CHAT: variants seen among roughly 807,000 people sequenced by gnomAD.
CHAT encodes acetyl CoA:choline O-acetyltransferase.
A neutral mutation model predicts 76.9 loss-of-function variants in CHAT; 61 were observed. The observed-to-expected ratio is 0.79, with a 90% CI of 0.65 to 0.98. The LOEUF (loss-of-function observed/expected upper bound fraction) is 0.98. CHAT is among the 50% of genes least tolerant of loss of function. The pLI, the probability that CHAT is intolerant of heterozygous loss-of-function variation, is 0.00. For missense variants in CHAT, 946 were observed against 986.9 expected, an observed-to-expected ratio of 0.96 and a Z score of 0.56; for synonymous variants, 407 against 397.4, an observed-to-expected ratio of 1.02 and a Z score of -0.29.
chr10:49,616,261 G>A (rs1324619421), intron 1 of CHAT, among the ~76,000 whole-genome samples: 1 of 152,168 alleles, frequency 6.6e-6, no homozygotes. Flanking sequence ...AGACTCATGA[G>A]AGCAGACCCT....
intron 7 of CHAT, among the ~76,000 whole-genome samples, chr10:49,639,475 G>GA (rs36136241): frequency 6.7e-6 from 1 of 148,150 alleles, no homozygotes; most frequent in African/African-American, 2.5e-5. Context: ...TTTCTGATAA[G>GA]AAAAAAAAAA....
Position 49,641,355 on chromosome 10 carries a change from T to C in CHAT, c.1112-5150T>C, listed in dbSNP as rs76736713. On this transcript the variant is annotated intron_variant, in intron 7 of 14. Transcript: ENST00000337653. ...TGGCTGGTCTGCCTTCCTCTCGCCATCTTTCAGAGTCTTCTTACTTTTGTT... is the reference window on the plus strand; with the variant it reads ...TGGCTGGTCTGCCTTCCTCTCGCCACCTTTCAGAGTCTTCTTACTTTTGTT... 1.4e-3 allele frequency among the ~76,000 whole-genome samples: 216 copies of C among 151,636 alleles called. 7 individuals carry two copies. The East Asian group carries it at 0.039, about 27-fold the overall frequency.
intron 13 of CHAT, chr10:49,661,479 G>C (rs11101199): frequency 6.6e-6 from 1 of 152,186 alleles, no homozygotes; most frequent in African/African-American, 2.4e-5. Context: ...AATTAGGTGC[G>C]TTCAGAGAGA....
In CHAT at chr10:49,648,530, C is replaced by G; in HGVS notation, c.1305C>G (p.Thr435=). Residue 435 remains threonine (T), a synonymous_variant, in exon 9 of 15, where the codon ACC becomes ACG. Transcript: ENST00000337653. ...SLQFVVGRDG[T]CGVVCEHSPF... is the part of the protein sequence containing the mutation. ...AGTTTGTGGTGGGCCGAGACGGCAC[C>G]TGCGGTGTGGTGTGCGAACACTCCC... The G allele has an allele frequency of 6.2e-7, 1 of 1,613,972 alleles. No homozygotes were observed. The highest frequency in any genetic ancestry group is 8.5e-7 in the Non-Finnish European group (1 of 1,179,922).
chr10:49,657,464 C>A (rs985543426), intron 13 of CHAT, among the ~76,000 whole-genome samples: 1 of 152,042 alleles, frequency 6.6e-6, no homozygotes, highest in African/African-American at 2.4e-5. Flanking sequence ...ATATAAAAAG[C>A]AGTTAGACCC....
chr10:49,611,103 C>A (rs1838282526), upstream of CHAT: 1 of 1,614,122 alleles, frequency 6.2e-7, no homozygotes, highest in Non-Finnish European at 8.5e-7. Context: ...AGAGCGAAGA[C>A]GTGAAGATCG....
chr10:49,635,048 C>T (rs979599410), intron 7 of CHAT, among the ~76,000 whole-genome samples: 3 of 152,104 alleles, frequency 2.0e-5, no homozygotes, highest in Non-Finnish European at 2.9e-5. Flanking sequence ...ATTCCATCAC[C>T]ACCAGGATCC....
At chr10:49,623,903 C>T (rs978317945) in intron 5 of CHAT, among the ~76,000 whole-genome samples, 1 of 152,234 alleles carries the variant, frequency 6.6e-6, no homozygotes, top group Non-Finnish European at 1.5e-5. Context: ...CAAGACATCA[C>T]GTTCCTTCTC....
Position 49,665,014 on chromosome 10 carries a change from G to T in CHAT, c.2215G>T (p.Ala739Ser). 2.5e-6 allele frequency: 4 copies of T among 1,614,160 alleles called. No homozygotes were observed. Among genetic ancestry groups the T allele is most frequent in the Non-Finnish European group, 3.4e-6 (4 of 1,180,048 alleles). Reference protein sequence around the residue: ...ESKPLATKEKATRPSQGHQP With the variant: ...ESKPLATKEKSTRPSQGHQP Reference sequence around the variant, plus strand: ...CAAGCCATTGGCAACAAAGGAAAAAGCCACGAGGCCCAGCCAGGGACACCA... The same window carrying T: ...CAAGCCATTGGCAACAAAGGAAAAATCCACGAGGCCCAGCCAGGGACACCA... The change falls in exon 15 of 15, where the codon GCC becomes TCC. Residue 739 changes from alanine (A) to serine (S), a missense_variant. Physicochemically the swap from Ala to Ser is moderately conservative, Grantham distance 99. This residue lies in a region of CHAT where 349 missense variants were observed against 393.9 expected (regional missense o/e 0.89). Coordinates refer to ENST00000337653, the MANE Select transcript of CHAT (RefSeq NM_020549.5).
At chr10:49,616,967 C>A (rs538367299) in intron 2 of CHAT, among the ~76,000 whole-genome samples, 2 of 152,314 alleles carry the variant, frequency 1.3e-5, no homozygotes, top group East Asian at 1.9e-4. Context: ...CCAAGCCCTG[C>A]AAGTCCCAGC....
At position 49,614,324 on chromosome 10, in the gene CHAT, G is replaced by A. The variant is rs954236201; in HGVS notation, c.135G>A (p.Pro45=). Residue 45 remains proline (P), a synonymous_variant, in exon 1 of 15, where the codon CCG becomes CCA. Coordinates refer to ENST00000337653, the MANE Select transcript of CHAT (RefSeq NM_020549.5). ...TCCAGTCGGGTGGCCGCGGGGACCC[G>A]GGCGACGTCGGAGGCCCTGCCGGGA... The part of the protein sequence containing the change: ...CFLQSGGRGD[P]GDVGGPAGNP... 3.2e-6 allele frequency: 5 copies of A among 1,547,440 alleles called. No individual in the cohort carries two copies. Among genetic ancestry groups the A allele is most frequent in the African/African-American group, 2.7e-5 (2 of 72,962 alleles).
At chr10:49,655,660 T>C (rs1840013813) in intron 13 of CHAT, among the ~76,000 whole-genome samples, 1 of 152,216 alleles carries the variant, frequency 6.6e-6, no homozygotes, top group Admixed American at 6.5e-5. Context: ...TTTATAAGAA[T>C]ACAAAAGTTA....
At chr10:49,664,262 C>G (rs1273626886) in intron 14 of CHAT, among the ~76,000 whole-genome samples, 2 of 152,160 alleles carry the variant, frequency 1.3e-5, no homozygotes. Flanking sequence ...TTGAAACACC[C>G]AACTCTGGGT....
chr10:49,641,140 C>T (rs889403840), intron 7 of CHAT, among the ~76,000 whole-genome samples: 4 of 152,226 alleles, frequency 2.6e-5, no homozygotes, highest in Non-Finnish European at 4.4e-5. Flanking sequence ...CTTGGTATCT[C>T]CTCTTCTTAT....
chr10:49,638,974 G>A (rs1412319299), intron 7 of CHAT, among the ~76,000 whole-genome samples: 1 of 151,998 alleles, frequency 6.6e-6, no homozygotes, highest in Non-Finnish European at 1.5e-5. Context: ...AGTGGCTCAC[G>A]CCTGTAATCC....
intron 10 of CHAT, among the ~76,000 whole-genome samples, chr10:49,651,379 C>T (rs74131115): frequency 0.023 from 3,547 of 151,918 alleles, 118 homozygotes; most frequent in African/African-American, 0.076. Context: ...TCAGGCTATG[C>T]GCTCTCCAGT....
At chr10:49,627,813 A>G (rs369270648) in intron 7 of CHAT, 28 bp downstream of exon 7, 1 of 1,608,154 alleles carries the variant, frequency 6.2e-7, no homozygotes, top group African/African-American at 1.3e-5. Flanking sequence ...GCACATCTCC[A>G]TGCCCATCTC....
At chr10:49,620,935 C>A (rs1364848124) in intron 4 of CHAT, among the ~76,000 whole-genome samples, 1 of 152,218 alleles carries the variant, frequency 6.6e-6, no homozygotes, top group Non-Finnish European at 1.5e-5. Flanking sequence ...CTGGACCACG[C>A]CAGTACTTGT....
chr10:49,654,311 A>T (rs925985684), intron 11 of CHAT, among the ~76,000 whole-genome samples: 1 of 152,228 alleles, frequency 6.6e-6, no homozygotes, highest in Non-Finnish European at 1.5e-5. Context: ...TGAGGGAGAG[A>T]CATCCTGAGA....
Sources: allele counts gnomAD v4.1 joint callset (sites outside exome capture counted in the v4.1 genomes callset), GRCh38; gene constraint gnomAD v4.1.1; regional missense constraint gnomAD v4.1.1; transcripts MANE v1.5; gene names NCBI Gene and HGNC (gene_info 2026-07-23, HGNC 2026-07-21).